GALNT10: variants seen among roughly 807,000 people sequenced by gnomAD.
The protein encoded by GALNT10 is GalNAc transferase 10.
A neutral mutation model predicts 75.0 loss-of-function variants in GALNT10; 41 were observed. The observed-to-expected ratio is 0.55, with a 90% CI of 0.43 to 0.71. The LOEUF is 0.71. GALNT10 is among the 30% of genes least tolerant of loss of function. GALNT10 has a pLI of 0.00. For synonymous variants in GALNT10, 302 were observed against 313.0 expected (o/e 0.96, Z 0.37); for missense variants, 727 against 818.5 (o/e 0.89, Z 1.36).
chr5:154,206,025 T>TTG (rs376971400), intron 1 of GALNT10, among the ~76,000 whole-genome samples: 428 of 151,852 alleles, frequency 2.8e-3, no homozygotes, highest in African/African-American at 9.4e-3. Context: ...TCAGATTGTG[T>TTG]TGTGTGTGTG....
At position 154,241,330 on chromosome 5, in the gene GALNT10, G is replaced by C. The variant is rs563630789; in HGVS notation, c.159+50305G>C. Among the ~76,000 whole-genome samples, 5 of 152,278 alleles carry C rather than the reference G, an allele frequency of 3.3e-5. No homozygotes were observed. In the South Asian group the frequency reaches 8.3e-4, roughly 25 times the overall value. ...ACTGAAATGTGGAAAGGGGCAGAGA[G>C]GGGTGGGGTATAGAGGACAACAGCA... On this transcript the variant is annotated intron_variant, in intron 1 of 11. Transcript: ENST00000297107.
rs923589635 is a variant in GALNT10, at chr5:154,419,765, C to G, written c.*2793C>G. 11 of 152,198 alleles carry G rather than the reference C, an allele frequency of 7.2e-5. No homozygotes were observed. Among genetic ancestry groups the G allele is most frequent in the African/African-American group, 2.7e-4 (11 of 41,440 alleles). 9.4% of individuals were successfully genotyped at this position (152,198 alleles called of 1,614,324 possible). On this transcript the variant is annotated 3_prime_UTR_variant, in exon 12 of 12. Coordinates refer to ENST00000297107, the MANE Select transcript of GALNT10 (RefSeq NM_198321.4). ...TTGTTATGGCTTCCTTTTTGAAAAC[C>G]ACCTGTCTCAAGGATTCAGGTTTCT...
intron 10 of GALNT10, among the ~76,000 whole-genome samples, 157 bp from the exon 11 acceptor site, chr5:154,415,626 G>A (rs1166319491): frequency 6.6e-6 from 1 of 152,056 alleles, no homozygotes; most frequent in Non-Finnish European, 1.5e-5. Flanking sequence ...CACCGCACCT[G>A]GCCAAGTTAG....
chr5:154,320,280 A>G (rs1754653377), intron 3 of GALNT10, among the ~76,000 whole-genome samples: 1 of 152,178 alleles, frequency 6.6e-6, no homozygotes, highest in South Asian at 2.1e-4. Context: ...TAATTCCATG[A>G]TTGAATTAAA....
In GALNT10 at chr5:154,320,414, G is replaced by A. The variant is rs1737226649; in HGVS notation, c.402-9158G>A. Among the ~76,000 whole-genome samples the A allele has an allele frequency of 1.3e-5, 2 of 152,278 alleles. 1 individual carries two copies. Among genetic ancestry groups the A allele is most frequent in the South Asian group, 4.1e-4 (2 of 4,826 alleles). Reference sequence around the variant, plus strand: ...CTGGAGTGAGTGAGGGCTTTCTGCTGTGTAATAGCTATATTGTATTTCACC... The same window carrying A: ...CTGGAGTGAGTGAGGGCTTTCTGCTATGTAATAGCTATATTGTATTTCACC... On this transcript the variant is annotated intron_variant, in intron 3 of 11. Transcript: ENST00000297107.
intron 4 of GALNT10, among the ~76,000 whole-genome samples, chr5:154,358,494 G>A (rs1177051818): frequency 3.9e-5 from 6 of 152,178 alleles, no homozygotes; most frequent in African/African-American, 1.4e-4. Context: ...CTGAAGCTTA[G>A]AGAAATTTAA....
intron 1 of GALNT10, among the ~76,000 whole-genome samples, chr5:154,226,813 C>T (rs1229911148): frequency 6.6e-6 from 1 of 152,078 alleles, no homozygotes; most frequent in Non-Finnish European, 1.5e-5. Context: ...CCTCGTGTCC[C>T]TTTGCATTTG....
chr5:154,363,461 T>A (rs79780131), intron 4 of GALNT10, among the ~76,000 whole-genome samples: 2,474 of 124,746 alleles, frequency 0.02, 27 homozygotes, highest in Non-Finnish European at 0.026. Context: ...TCAAGGCATA[T>A]CCTGAAAGGA....
At chr5:154,236,051 G>A (rs184270014) in intron 1 of GALNT10, among the ~76,000 whole-genome samples, 12 of 152,266 alleles carry the variant, frequency 7.9e-5, no homozygotes, top group Admixed American at 7.2e-4. Context: ...GTTTTGCTTA[G>A]GTCTGGGGAG....
intron 3 of GALNT10, among the ~76,000 whole-genome samples, chr5:154,325,882 GA>G (rs1039575662): frequency 6.6e-6 from 1 of 151,910 alleles, no homozygotes; most frequent in African/African-American, 2.4e-5. Flanking sequence ...AATTAGACAA[GA>G]AAAAGACATA....
intron 1 of GALNT10, among the ~76,000 whole-genome samples, chr5:154,219,053 G>C (rs747302980): frequency 2.6e-5 from 4 of 152,162 alleles, no homozygotes; most frequent in South Asian, 2.1e-4. Context: ...ATAAAATCCA[G>C]CTTCTTGCTA....
At chr5:154,394,387 T>G (rs1755973651) in intron 7 of GALNT10, among the ~76,000 whole-genome samples, 1 of 147,494 alleles carries the variant, frequency 6.8e-6, no homozygotes. Flanking sequence ...GAAGACTAAG[T>G]GAAACAGGAC....
intron 1 of GALNT10, among the ~76,000 whole-genome samples, chr5:154,248,873 G>A (rs1011479304): frequency 6.6e-6 from 1 of 152,208 alleles, no homozygotes; most frequent in African/African-American, 2.4e-5. Context: ...GAGTCAGAGC[G>A]GGAGAGGTTG....
At position 154,337,627 on chromosome 5, in the gene GALNT10, A is replaced by G. The variant is rs531099645; in HGVS notation, c.568+7889A>G. On this transcript the variant is annotated intron_variant, in intron 4 of 11. Transcript: ENST00000297107. ...ATGGGTCCAAAATTTGAAGACTGAT[A>G]GTTGTAATTGCCAAAATCATTGTAG... 1.4e-5 allele frequency: 13 copies of G among 908,904 alleles called. No individual in the cohort carries two copies. In the East Asian group the frequency reaches 3.1e-4, roughly 22 times the overall value. The allele number at this position is 908,904 out of a possible 1,614,324, so 56.3% of individuals were successfully genotyped here. A position where few individuals can be genotyped will look rare whatever the true frequency, so the allele number is the denominator to read the frequency against.
Position 154,372,854 on chromosome 5 carries a change from CATCT to C in GALNT10, c.569-3422_569-3419del, listed in dbSNP as rs200494359. Among the ~76,000 whole-genome samples, 25 of 152,298 alleles carry C rather than the reference CATCT, an allele frequency of 1.6e-4. No individual in the cohort carries two copies. The East Asian group carries it at 4.1e-3, about 25-fold the overall frequency. Reference sequence around the variant, plus strand: ...CACCAGATGTGTGTGCCACAGAATCCATCTGTCAGCTCTGATAAGTGCTCATCTA... The same window carrying C: ...CACCAGATGTGTGTGCCACAGAATCCGTCAGCTCTGATAAGTGCTCATCTA... On this transcript the variant is annotated intron_variant, in intron 4 of 11. Coordinates refer to ENST00000297107, the MANE Select transcript of GALNT10 (RefSeq NM_198321.4).
chr5:154,249,254 G>T (rs1753478200), intron 1 of GALNT10, among the ~76,000 whole-genome samples: 1 of 152,176 alleles, frequency 6.6e-6, no homozygotes, highest in Non-Finnish European at 1.5e-5. Context: ...TGGAGCCTGA[G>T]AATTTGCATT....
In GALNT10 at chr5:154,376,995, A is replaced by G. The variant is rs375736497; in HGVS notation, c.754+533A>G. On this transcript the variant is annotated intron_variant, in intron 5 of 11. Transcript: ENST00000297107. The surrounding 1 kb of genome is among the most constrained non-coding windows in gnomAD (Gnocchi z 4.1). Reference sequence around the variant, plus strand: ...CTTGTCCCCTTGAGCCATAAGTGTCAAAGTCACCATCTGTCGGGCTCCAAA... The same window carrying G: ...CTTGTCCCCTTGAGCCATAAGTGTCGAAGTCACCATCTGTCGGGCTCCAAA... Among the ~76,000 whole-genome samples, 16 of 152,242 alleles carry G rather than the reference A, an allele frequency of 1.1e-4. No individual in the cohort carries two copies. The highest frequency in any genetic ancestry group is 2.9e-4 in the African/African-American group (12 of 41,458).
Position 154,322,138 on chromosome 5 carries a change from G to A in GALNT10, c.402-7434G>A, listed in dbSNP as rs1051437691. Among the ~76,000 whole-genome samples the A allele has an allele frequency of 1.6e-4, 25 of 152,240 alleles. 1 individual carries two copies. The highest frequency in any genetic ancestry group is 6.0e-4 in the African/African-American group (25 of 41,542). On this transcript the variant is annotated intron_variant, in intron 3 of 11. Coordinates refer to ENST00000297107, the MANE Select transcript of GALNT10 (RefSeq NM_198321.4). ...TCTGTAGGTCAGAAATACATCATGC[G>A]TGGGTCTCACCAGGCTAAAATCAAG... is the stretch of plus-strand genomic sequence containing the variant.
intron 1 of GALNT10, among the ~76,000 whole-genome samples, chr5:154,200,972 T>G (rs1020470451): frequency 2.5e-5 from 3 of 119,012 alleles, no homozygotes; most frequent in African/African-American, 8.4e-5. Context: ...CTAATTTCTG[T>G]TTTTTTTGTT....
Sources: gnomAD v4.1 joint callset for allele counts (sites outside exome capture counted in the v4.1 genomes callset) on GRCh38, gnomAD v4.1.1 for gene constraint, Gnocchi (gnomAD v3.1) non-coding constraint, MANE v1.5 for transcripts, NCBI Gene and HGNC (gene_info 2026-07-23, HGNC 2026-07-21) for gene names.